Variants in PGCKA1 observed in about 807,000 individuals in gnomAD.
The protein encoded by PGCKA1 is PDCD10 and GCKIII kinases associated 1.
At chr4:37,536,505 A>G in the PGCKA1 span, among the ~76,000 whole-genome samples, 1 of 152,162 alleles carries the variant, frequency 6.6e-6, no homozygotes, top group Non-Finnish European at 1.5e-5. Context: ...GGACTGGGGC[A>G]TGGAGAATCC....
the PGCKA1 span, among the ~76,000 whole-genome samples, chr4:37,483,255 G>C: frequency 6.6e-6 from 1 of 152,166 alleles, no homozygotes. Flanking sequence ...GGCCTTCCCA[G>C]ACAGGCTGAA....
chr4:37,513,110 G>A, the PGCKA1 span, among the ~76,000 whole-genome samples: 50 of 41,008 alleles, frequency 1.2e-3, 3 homozygotes, highest in African/African-American at 2.8e-3. Context: ...AAGAAAGAAA[G>A]AAAGAAAGAA....
chr4:37,552,734 T>C, the PGCKA1 span, among the ~76,000 whole-genome samples: 1 of 152,222 alleles, frequency 6.6e-6, no homozygotes, highest in South Asian at 2.1e-4. Context: ...CAAGTCTTTC[T>C]GTACCCAACC....
the PGCKA1 span, among the ~76,000 whole-genome samples, chr4:37,583,157 T>C: frequency 1.3e-5 from 2 of 152,248 alleles, no homozygotes. Flanking sequence ...CAGTAAAACT[T>C]CTACAAGTGG....
At chr4:37,467,867 G>T in the PGCKA1 span, among the ~76,000 whole-genome samples, 4 of 152,234 alleles carry the variant, frequency 2.6e-5, no homozygotes, top group Admixed American at 2.0e-4. Flanking sequence ...ACAGGCTTCA[G>T]TTAGATTTCA....
chr4:37,497,560 G>T, the PGCKA1 span, among the ~76,000 whole-genome samples: 1 of 151,994 alleles, frequency 6.6e-6, no homozygotes, highest in South Asian at 2.1e-4. Context: ...TTATTTTTTT[G>T]ATTGTAGCCA....
the PGCKA1 span, among the ~76,000 whole-genome samples, chr4:37,489,810 A>G: frequency 6.6e-6 from 1 of 152,236 alleles, no homozygotes; most frequent in Non-Finnish European, 1.5e-5. Context: ...TCCAGCACAG[A>G]TAAATCTGGC....
chr4:37,571,869 C>T, the PGCKA1 span, among the ~76,000 whole-genome samples: 7,272 of 151,842 alleles, frequency 0.048, 659 homozygotes, highest in African/African-American at 0.17. Context: ...TGACCTCAAG[C>T]GATCCTCCCA....
At chr4:37,542,346 C>T in the PGCKA1 span, among the ~76,000 whole-genome samples, 1 of 152,172 alleles carries the variant, frequency 6.6e-6, no homozygotes, top group Non-Finnish European at 1.5e-5. Flanking sequence ...AATACCCCCT[C>T]CTAGTTCAGG....
the PGCKA1 span, among the ~76,000 whole-genome samples, chr4:37,537,862 C>T: frequency 6.6e-6 from 1 of 152,136 alleles, no homozygotes; most frequent in Non-Finnish European, 1.5e-5. Flanking sequence ...AACCAATTTC[C>T]ATTATCGTAA....
chr4:37,574,703 T>A, the PGCKA1 span, among the ~76,000 whole-genome samples: 1 of 152,204 alleles, frequency 6.6e-6, no homozygotes, highest in Non-Finnish European at 1.5e-5. Flanking sequence ...TATTCTTTCT[T>A]TGTAACTTTT....
chr4:37,478,155 G>GCCCCA, the PGCKA1 span, among the ~76,000 whole-genome samples: 1 of 70,040 alleles, frequency 1.4e-5, no homozygotes, highest in East Asian at 4.0e-4. Flanking sequence ...CCCCCCCACC[G>GCCCCA]CCACTTACTT....
the PGCKA1 span, among the ~76,000 whole-genome samples, chr4:37,540,406 G>A: frequency 6.6e-6 from 1 of 152,136 alleles, no homozygotes; most frequent in Non-Finnish European, 1.5e-5. Flanking sequence ...AAGCTTTAAC[G>A]TTAATCGATA....
At chr4:37,469,290 G>A in the PGCKA1 span, among the ~76,000 whole-genome samples, 6 of 152,236 alleles carry the variant, frequency 3.9e-5, no homozygotes, top group Non-Finnish European at 7.3e-5. Context: ...GATATAGGGA[G>A]AAATTTAAAG....
chr4:37,540,675 C>T, the PGCKA1 span, among the ~76,000 whole-genome samples: 2 of 152,142 alleles, frequency 1.3e-5, no homozygotes, highest in African/African-American at 4.8e-5. Context: ...ACAGGGAAGG[C>T]CCCCAGCTGA....
chr4:37,562,113 G>A, the PGCKA1 span, among the ~76,000 whole-genome samples: 1 of 152,200 alleles, frequency 6.6e-6, no homozygotes, highest in Non-Finnish European at 1.5e-5. Flanking sequence ...TCTTGTTTGA[G>A]CTCAGCTAGA....
the PGCKA1 span, among the ~76,000 whole-genome samples, chr4:37,473,615 C>T: frequency 2.0e-5 from 3 of 151,994 alleles, no homozygotes; most frequent in Admixed American, 6.6e-5. Flanking sequence ...TTTTAAAAAC[C>T]GAAGTACCTG....
chr4:37,531,158 T>C, the PGCKA1 span, among the ~76,000 whole-genome samples: 2 of 152,218 alleles, frequency 1.3e-5, no homozygotes, highest in Admixed American at 1.3e-4. Flanking sequence ...TCCTAGGAAC[T>C]TTATATGCGT....
chr4:37,590,573 C>G, the PGCKA1 span: 1 of 1,614,174 alleles, frequency 6.2e-7, no homozygotes, highest in East Asian at 2.2e-5. Context: ...GAAAGTTTTG[C>G]CTTGGAAGTA....
Sources: allele counts gnomAD v4.1 joint callset (sites outside exome capture counted in the v4.1 genomes callset), GRCh38; gene constraint gnomAD v4.1.1; transcripts MANE v1.5; gene names NCBI Gene and HGNC (gene_info 2026-07-23, HGNC 2026-07-21).